Variants in GALK2 observed in about 807,000 individuals in gnomAD.
GALK2 encodes the protein galactokinase 2.
Under a neutral mutation model 52.4 loss-of-function variants are expected in GALK2, and 36 were observed. The ratio of observed to expected loss-of-function variants is 0.69; its 90% CI spans 0.53 to 0.91. GALK2 has a LOEUF of 0.91. GALK2 is among the 40% of genes least tolerant of loss of function. The pLI is 0.00. For missense variants in GALK2, 579 were observed against 559.1 expected (o/e 1.04, Z -0.36); for synonymous variants, 176 against 199.1 (o/e 0.88, Z 0.98).
intron 3 of GALK2, chr15:49,343,587 C>T (rs2041064274): frequency 6.6e-6 from 1 of 152,152 alleles, no homozygotes; most frequent in African/African-American, 2.4e-5. Context: ...AGTTTCTTCC[C>T]AGTTAAGGCC....
In GALK2 at chr15:49,359,841, A is replaced by C. The variant is rs1197814025; in HGVS notation, c.427-7650A>C. Among the ~76,000 whole-genome samples, 14 of 139,076 alleles carry C rather than the reference A, an allele frequency of 1.0e-4. No homozygotes were observed. The East Asian group carries it at 3.0e-3, about 30-fold the overall frequency. The allele number at this position is 139,076 out of a possible 152,430, so 91.2% of individuals were successfully genotyped here. Reference sequence around the variant, plus strand: ...ATAGCAAAGACTTGGAACCAACCCAAATGTCCAAAAATGATAGACTGGATT... The same window carrying C: ...ATAGCAAAGACTTGGAACCAACCCACATGTCCAAAAATGATAGACTGGATT... On this transcript the variant is annotated intron_variant, in intron 3 of 3. Coordinates refer to the GALK2 transcript ENST00000558399.
chr15:49,319,118 T>C (rs2036674286), intron 8 of GALK2: 1 of 367,420 alleles, frequency 2.7e-6, no homozygotes, highest in South Asian at 2.1e-5. Context: ...CATGCCCAGG[T>C]AATTTTTGTA....
chr15:49,328,105 A>C lies in GALK2; in HGVS notation c.1323A>C (p.Gln441His). 1 of 1,614,082 alleles carries C rather than the reference A, an allele frequency of 6.2e-7. No individual in the cohort carries two copies. The highest frequency in any genetic ancestry group is 8.5e-7 in the Non-Finnish European group (1 of 1,179,996). Residue 441 changes from glutamine to histidine, a missense_variant, in exon 10 of 10, where the codon CAA (glutamine) becomes CAC (histidine). Physicochemically the swap from Gln to His is conservative, Grantham distance 24 (BLOSUM62 0). Coordinates refer to ENST00000560031, the MANE Select transcript of GALK2 (RefSeq NM_002044.4). ...ATGGAAGCTTAGCACCGGAGAAGCA[A>C]AGTTTGTTTGCTACCAAACCTGGAG... ...RSDGSLAPEK[Q>H]SLFATKPGGG... is the part of the protein sequence containing the mutation.
intron 3 of GALK2, among the ~76,000 whole-genome samples, chr15:49,337,293 AT>A (rs1441144784): frequency 6.6e-6 from 1 of 152,152 alleles, no homozygotes; most frequent in South Asian, 2.1e-4. Context: ...GGCTGAACTA[AT>A]TTACGTTCCC....
intron 5 of GALK2, among the ~76,000 whole-genome samples, chr15:49,258,092 CAA>C (rs1292931570): frequency 6.6e-6 from 1 of 151,844 alleles, no homozygotes; most frequent in East Asian, 1.9e-4. Context: ...TATTACAACT[CAA>C]AGAGACTACA....
chr15:49,331,339 CTCCTT>C lies in GALK2; in HGVS notation c.*3183_*3187del, dbSNP rs1444281629. 2 of 153,946 alleles carry C rather than the reference CTCCTT, an allele frequency of 1.3e-5. No homozygotes were observed. The highest frequency in any genetic ancestry group is 6.5e-5 in the Admixed American group (1 of 15,420). 9.5% of individuals were successfully genotyped at this position (153,946 alleles called of 1,614,324 possible). A position where few individuals can be genotyped will look rare whatever the true frequency, so the allele number is the denominator to read the frequency against. ...AGGAAAATCAGAAAGATGGAACAGG[CTCCTT>C]TCTTTTCTTTCTTTCTCATACTTGA... On this transcript the variant is annotated 3_prime_UTR_variant, in exon 10 of 10. Transcript: ENST00000560031.
chr15:49,183,089 T>C (rs921565482), intron 1 of GALK2, among the ~76,000 whole-genome samples: 1 of 152,180 alleles, frequency 6.6e-6, no homozygotes, highest in Admixed American at 6.5e-5. Flanking sequence ...GTTTCCCCAA[T>C]GTTTTTTGTT....
chr15:49,277,191 C>A (rs2031908080), intron 5 of GALK2, among the ~76,000 whole-genome samples: 1 of 51,086 alleles, frequency 2.0e-5, no homozygotes, highest in African/African-American at 7.6e-5. Flanking sequence ...TTTTTTGAGA[C>A]GGAGTCTCGC....
At chr15:49,299,775 CTTT>C (rs2034921804) in intron 8 of GALK2, among the ~76,000 whole-genome samples, 15 of 128,184 alleles carry the variant, frequency 1.2e-4, no homozygotes, top group African/African-American at 3.4e-4. Flanking sequence ...TTCTTTCTTT[CTTT>C]CTTTCTTTCT....
At chr15:49,367,723 A>C in exon 4 of GALK2, 1 of 1,005,288 alleles carries the variant, frequency 9.9e-7, no homozygotes, top group South Asian at 1.8e-5. Flanking sequence ...ATTAAAATAA[A>C]GGAAATTCTA....
chr15:49,208,004 C>T (rs1017626563), intron 2 of GALK2, among the ~76,000 whole-genome samples: 2 of 152,176 alleles, frequency 1.3e-5, no homozygotes, highest in African/African-American at 4.8e-5. Context: ...AACTCCTGAC[C>T]TCAGGTGGTC....
intron 3 of GALK2, among the ~76,000 whole-genome samples, chr15:49,340,785 A>G (rs2040604065): frequency 2.0e-5 from 3 of 152,050 alleles, no homozygotes; most frequent in African/African-American, 7.2e-5. Context: ...CCACTTGTCA[A>G]TTTTTGTTTT....
intron 3 of GALK2, among the ~76,000 whole-genome samples, chr15:49,344,889 C>A (rs1439759470): frequency 1.3e-5 from 2 of 152,154 alleles, no homozygotes; most frequent in African/African-American, 4.8e-5. Context: ...CATCTAAAAT[C>A]TTTTCTGAGT....
At chr15:49,235,739 G>C (rs1488387382) in intron 3 of GALK2, 112 bp from the exon 4 acceptor site, 1 of 792,728 alleles carries the variant, frequency 1.3e-6, no homozygotes, top group African/African-American at 1.7e-5. Flanking sequence ...GAACATAAAA[G>C]GTAAAGGAGA....
chr15:49,336,471 C>T (rs2039731135), downstream of GALK2, among the ~76,000 whole-genome samples: 1 of 152,206 alleles, frequency 6.6e-6, no homozygotes, highest in Admixed American at 6.5e-5. Flanking sequence ...GCTCTTAAAC[C>T]TCTGCCATCA....
intron 3 of GALK2, among the ~76,000 whole-genome samples, chr15:49,229,206 GTC>G (rs2090363801): frequency 6.6e-6 from 1 of 152,274 alleles, no homozygotes; most frequent in Admixed American, 6.5e-5. Context: ...TAGTATTGTA[GTC>G]TCTGTATAAT....
chr15:49,362,986 C>A (rs2044514231), intron 3 of GALK2, among the ~76,000 whole-genome samples: 1 of 152,140 alleles, frequency 6.6e-6, no homozygotes, highest in Non-Finnish European at 1.5e-5. Flanking sequence ...GTCTTTGTGT[C>A]TGCTTTCATA....
At chr15:49,202,955 ATGT>A (rs1368571927) in intron 2 of GALK2, among the ~76,000 whole-genome samples, 1 of 152,092 alleles carries the variant, frequency 6.6e-6, no homozygotes, top group African/African-American at 2.4e-5. Flanking sequence ...ATTATTAGTG[ATGT>A]TGAGCATTTG....
chr15:49,272,217 A>G (rs1269328191), intron 5 of GALK2, among the ~76,000 whole-genome samples: 1 of 152,146 alleles, frequency 6.6e-6, no homozygotes, highest in African/African-American at 2.4e-5. Context: ...AGAAGTTACA[A>G]TTCTATAAAA....
Sources: gnomAD v4.1 joint callset for allele counts (sites outside exome capture counted in the v4.1 genomes callset) on GRCh38, gnomAD v4.1.1 for gene constraint, MANE v1.5 for transcripts, NCBI Gene and HGNC (gene_info 2026-07-23, HGNC 2026-07-21) for gene names.